The following EPB41 variants were observed in gnomAD, a reference collection of about 807,000 sequenced individuals.
EPB41 encodes the protein protein 4.1.
EPB41 carries 65 observed loss-of-function variants against 108.0 expected under a neutral mutation model. That is an observed-to-expected ratio of 0.60 (90% CI 0.49 to 0.74). The LOEUF (loss-of-function observed/expected upper bound fraction) is 0.74. Ranked by LOEUF, EPB41 falls within the 30% of genes least tolerant of loss-of-function variation. EPB41 has a pLI of 0.00. For missense variants in EPB41, 875 were observed against 1,037.0 expected, an observed-to-expected ratio of 0.84 and a Z score of 2.15; for synonymous variants, 336 against 358.9, an observed-to-expected ratio of 0.94 and a Z score of 0.72.
chr1:29,066,863 T>C (rs1402321601), intron 16 of EPB41, among the ~76,000 whole-genome samples: 1 of 151,452 alleles, frequency 6.6e-6, no homozygotes, highest in East Asian at 2.0e-4. Context: ...TTATTAAAGA[T>C]GGGGTTTCAC....
intron 16 of EPB41, among the ~76,000 whole-genome samples, chr1:29,089,755 G>A (rs1047706097): frequency 3.9e-5 from 6 of 152,060 alleles, no homozygotes; most frequent in Non-Finnish European, 8.8e-5. Flanking sequence ...GAGAGGTAAG[G>A]GTCAGATTTT....
chr1:29,008,848 C>T (rs569293223), intron 4 of EPB41, among the ~76,000 whole-genome samples: 11 of 152,278 alleles, frequency 7.2e-5, no homozygotes, highest in African/African-American at 2.6e-4. Flanking sequence ...CACTTTTATA[C>T]TTCTGTGCCT....
chr1:28,988,032 G>GTGGA, intron 2 of EPB41, 127 bp downstream of exon 2: 1 of 973,662 alleles, frequency 1.0e-6, no homozygotes, highest in Non-Finnish European at 1.6e-6. Flanking sequence ...GGAGGCCGAG[G>GTGGA]CAGGCGGATC....
chr1:28,949,684 A>G (rs753402134), intron 1 of EPB41, among the ~76,000 whole-genome samples: 6 of 151,664 alleles, frequency 4.0e-5, no homozygotes, highest in Non-Finnish European at 8.8e-5. Context: ...GATCACCACA[A>G]TCTCCACCTC....
At chr1:29,005,738 A>G (rs1377863600) in intron 4 of EPB41, among the ~76,000 whole-genome samples, 3 of 152,160 alleles carry the variant, frequency 2.0e-5, no homozygotes, top group African/African-American at 7.2e-5. Flanking sequence ...CCAGATGAAG[A>G]AGGAGGGAGA....
chr1:28,930,336 A>AT (rs2093677811), intron 1 of EPB41, among the ~76,000 whole-genome samples: 3 of 150,556 alleles, frequency 2.0e-5, no homozygotes, highest in South Asian at 4.2e-4. Flanking sequence ...AAAAAAAAAA[A>AT]ATTTTTTTTT....
chr1:29,036,028 T>TTTAGCTCAGGTGAGATCATCTTAAG, intron 10 of EPB41, 105 bp downstream of exon 10: 2 of 837,852 alleles, frequency 2.4e-6, no homozygotes, highest in Non-Finnish European at 3.9e-6. Flanking sequence ...CACTCTTTTA[T>TTTAGCTCAGGTGAGATCATCTTAAG]TTAGCTCAGG....
At chr1:29,037,045 T>C (rs1191636640) in intron 10 of EPB41, among the ~76,000 whole-genome samples, 2 of 151,926 alleles carry the variant, frequency 1.3e-5, no homozygotes, top group African/African-American at 2.4e-5. Context: ...AGAACCATAT[T>C]TGAAGCCCAA....
chr1:28,975,996 A>C (rs1182720803), intron 1 of EPB41, among the ~76,000 whole-genome samples: 2 of 151,412 alleles, frequency 1.3e-5, no homozygotes, highest in African/African-American at 2.4e-5. Context: ...TGGGCGGGGA[A>C]CTTGAAACTG....
intron 4 of EPB41, among the ~76,000 whole-genome samples, chr1:29,009,033 AT>A (rs1231002152): frequency 6.6e-6 from 1 of 151,950 alleles, no homozygotes; most frequent in African/African-American, 2.4e-5. Context: ...ACTAGCACAT[AT>A]TTTTTATCAT....
Position 28,972,963 on chromosome 1 carries a change from ACT to A in EPB41, c.-7-14465_-7-14464del, listed in dbSNP as rs571279751. On this transcript the variant is annotated intron_variant, in intron 1 of 20. Transcript: ENST00000343067. The stretch of plus-strand genomic sequence containing the variant: ...AGGATAGAGGAAGAATTCTGAAGAA[ACT>A]CTTTTGTAAATTTTAAATTACCATT... Among the ~76,000 whole-genome samples, 440 of 151,860 alleles carry A rather than the reference ACT, an allele frequency of 2.9e-3. 2 individuals are homozygous for A. Among genetic ancestry groups the A allele is most frequent in the African/African-American group, 0.01 (422 of 41,382 alleles).
At chr1:29,008,996 TCA>T (rs1239033571) in intron 4 of EPB41, among the ~76,000 whole-genome samples, 2 of 152,234 alleles carry the variant, frequency 1.3e-5, no homozygotes, top group African/African-American at 2.4e-5. Context: ...CTCTGTGCTC[TCA>T]GAATACCCTA....
intron 17 of EPB41, 136 bp from the exon 18 acceptor site, chr1:29,109,198 CAA>C (rs957578381): frequency 1.7e-3 from 1,028 of 604,448 alleles, no homozygotes; most frequent in East Asian, 2.1e-3. Context: ...AACTCCGTCT[CAA>C]AAAAAAAAAA....
chr1:28,902,137 C>T, intron 1 of EPB41: 1 of 973,740 alleles, frequency 1.0e-6, no homozygotes, highest in South Asian at 4.8e-5. Flanking sequence ...ATTTTGAGCA[C>T]ACAGTAGAAT....
At chr1:28,959,916 G>C (rs2095129656) in intron 1 of EPB41, among the ~76,000 whole-genome samples, 2 of 151,236 alleles carry the variant, frequency 1.3e-5, no homozygotes, top group Non-Finnish European at 2.9e-5. Flanking sequence ...GGCCTCAAGT[G>C]ATCTGCCTGC....
chr1:28,978,740 G>A (rs953374011), intron 1 of EPB41, among the ~76,000 whole-genome samples: 24 of 151,412 alleles, frequency 1.6e-4, no homozygotes, highest in Non-Finnish European at 2.9e-4. Context: ...GAGAAGACAC[G>A]TGTCTCTGAC....
At chr1:29,070,606 C>G (rs1463207507) in intron 16 of EPB41, 2 of 1,231,980 alleles carry the variant, frequency 1.6e-6, no homozygotes, top group South Asian at 4.1e-5. Context: ...GGTGGTTGGT[C>G]TTTCTGTGAT....
intron 17 of EPB41, among the ~76,000 whole-genome samples, chr1:29,100,711 C>T (rs1665029806): frequency 6.9e-6 from 1 of 144,950 alleles, no homozygotes; most frequent in African/African-American, 2.5e-5. Flanking sequence ...TTTAATACAA[C>T]ATATAATTAT....
Position 28,931,695 on chromosome 1 carries a change from A to AT in EPB41, c.-8+16939dup, listed in dbSNP as rs1247437412. Among the ~76,000 whole-genome samples the AT allele has an allele frequency of 1.2e-3, 175 of 143,716 alleles. 1 individual carries two copies. The highest frequency in any genetic ancestry group is 2.5e-3 in the African/African-American group (98 of 39,316). The allele number at this position is 143,716 out of a possible 152,430, so 94.3% of individuals were successfully genotyped here. ...AGGCGCCCGCCACCACGTCTGGCTG[A>AT]TTTTTTTTTTTTGTATTGTTGGTAG... is the stretch of plus-strand genomic sequence containing the variant. On this transcript the variant is annotated intron_variant, in intron 1 of 20. Transcript: ENST00000343067.
Sources: allele counts gnomAD v4.1 joint callset (sites outside exome capture counted in the v4.1 genomes callset), GRCh38; gene constraint gnomAD v4.1.1; transcripts MANE v1.5; gene names NCBI Gene and HGNC (gene_info 2026-07-23, HGNC 2026-07-21).